The following LRRTM4 variants were observed in gnomAD, a reference collection of about 807,000 sequenced individuals.
LRRTM4 encodes leucine rich repeat transmembrane neuronal 4.
In LRRTM4, 25 loss-of-function variants were observed where a neutral mutation model predicts 47.6. The observed-to-expected ratio is 0.53, with a 90% CI of 0.38 to 0.73. The LOEUF is 0.73. Ranked by LOEUF, LRRTM4 falls within the 30% of genes least tolerant of loss-of-function variation. LRRTM4 has a pLI of 0.00. For synonymous variants in LRRTM4, 311 were observed against 269.5 expected, an observed-to-expected ratio of 1.15 and a Z score of -1.51; for missense variants, 638 against 713.4, an observed-to-expected ratio of 0.89 and a Z score of 1.20.
chr2:77,256,546 G>C (rs1310145484), intron 3 of LRRTM4, among the ~76,000 whole-genome samples: 1 of 152,060 alleles, frequency 6.6e-6, no homozygotes, highest in Non-Finnish European at 1.5e-5. Flanking sequence ...TAGTGAGTAA[G>C]TTTCATGAGA....
intron 3 of LRRTM4, among the ~76,000 whole-genome samples, chr2:76,799,973 A>C (rs1321120523): frequency 1.3e-5 from 2 of 151,822 alleles, no homozygotes; most frequent in Admixed American, 6.6e-5. Flanking sequence ...AAATGGAAGA[A>C]CATTCCATGC....
At chr2:76,933,153 T>TA (rs34790579) in intron 3 of LRRTM4, among the ~76,000 whole-genome samples, 2 of 152,116 alleles carry the variant, frequency 1.3e-5, no homozygotes, top group African/African-American at 2.4e-5. Context: ...TAGCACATTT[T>TA]AAAAAATATG....
intron 3 of LRRTM4, among the ~76,000 whole-genome samples, chr2:76,941,453 A>T (rs1043077223): frequency 2.0e-5 from 3 of 152,038 alleles, no homozygotes; most frequent in African/African-American, 4.8e-5. Flanking sequence ...TCCTAATCTT[A>T]TCCGTCCCCT....
intron 3 of LRRTM4, among the ~76,000 whole-genome samples, chr2:77,023,320 C>T (rs949628637): frequency 4.6e-5 from 7 of 152,136 alleles, no homozygotes; most frequent in Admixed American, 2.0e-4. Context: ...GAGAGGCTGC[C>T]GCAAAGGTCT....
chr2:77,296,280 T>C (rs1029243820), intron 3 of LRRTM4, among the ~76,000 whole-genome samples: 4 of 152,200 alleles, frequency 2.6e-5, no homozygotes, highest in South Asian at 2.1e-4. Context: ...AAATAGTATA[T>C]CATCATTTCA....
chr2:76,827,832 G>A (rs991603672), intron 3 of LRRTM4, among the ~76,000 whole-genome samples: 2 of 151,754 alleles, frequency 1.3e-5, no homozygotes, highest in Admixed American at 6.6e-5. Flanking sequence ...ATTTCTTCTA[G>A]GGAACTAGAT....
chr2:76,782,746 T>C (rs900602699), intron 3 of LRRTM4, among the ~76,000 whole-genome samples: 4 of 152,214 alleles, frequency 2.6e-5, no homozygotes, highest in Non-Finnish European at 4.4e-5. Context: ...AACATATTTA[T>C]TGAAGAAATC....
chr2:76,843,732 G>A (rs1050706952), intron 3 of LRRTM4, among the ~76,000 whole-genome samples: 1 of 152,120 alleles, frequency 6.6e-6, no homozygotes, highest in East Asian at 1.9e-4. Context: ...GATGGGCCAG[G>A]TCTGGCCAGG....
intron 3 of LRRTM4, among the ~76,000 whole-genome samples, chr2:76,977,853 G>A (rs1676471411): frequency 6.6e-6 from 1 of 151,978 alleles, no homozygotes; most frequent in Admixed American, 6.6e-5. Context: ...TACGGATTAG[G>A]GCATAAACTT....
chr2:77,303,176 C>G (rs989280076), intron 3 of LRRTM4, among the ~76,000 whole-genome samples: 1 of 151,950 alleles, frequency 6.6e-6, no homozygotes, highest in Admixed American at 6.6e-5. Context: ...CTGCTTAAAA[C>G]CCGGTGTCTC....
intron 3 of LRRTM4, among the ~76,000 whole-genome samples, chr2:77,385,041 A>G (rs1186584772): frequency 6.6e-6 from 1 of 152,152 alleles, no homozygotes; most frequent in Non-Finnish European, 1.5e-5. Flanking sequence ...AATGTGCAAA[A>G]AGAAAACATA....
intron 3 of LRRTM4, among the ~76,000 whole-genome samples, chr2:77,366,573 T>C (rs544149469): frequency 6.6e-5 from 10 of 151,964 alleles, no homozygotes; most frequent in Middle Eastern, 6.8e-3. Context: ...AACTTTCTTA[T>C]ATCTCACTTG....
chr2:77,191,399 A>G (rs920584737), intron 3 of LRRTM4, among the ~76,000 whole-genome samples: 2 of 152,054 alleles, frequency 1.3e-5, no homozygotes, highest in Non-Finnish European at 2.9e-5. Context: ...AAACTGTCTC[A>G]ATAAAAAATA....
At chr2:77,202,998 G>A (rs6547129) in intron 3 of LRRTM4, among the ~76,000 whole-genome samples, 104,568 of 151,794 alleles carry the variant, frequency 0.69, 36,715 homozygotes, top group African/African-American at 0.85. Flanking sequence ...GGCTGGTTTC[G>A]CACATTAAGA....
chr2:77,197,420 C>T (rs1390944614), intron 3 of LRRTM4, among the ~76,000 whole-genome samples: 2 of 151,974 alleles, frequency 1.3e-5, no homozygotes, highest in East Asian at 3.9e-4. Flanking sequence ...TCCCATATAT[C>T]TGTATTATTT....
rs554576216 is a variant in LRRTM4 at position 76,800,931 on chromosome 2, A to G, written c.1552-52015T>C. On this transcript the variant is annotated intron_variant, in intron 3 of 3. Transcript: ENST00000409884. ...CCATCAATGCTCATCATCACTGGCC[A>G]TCAGAGAAATGCAAATGAAAACCAC... Among the ~76,000 whole-genome samples the G allele has an allele frequency of 4.6e-5, 7 of 151,426 alleles. 1 individual carries two copies. In the East Asian group the frequency reaches 1.4e-3, roughly 30 times the overall value.
At chr2:76,822,431 A>G (rs952693012) in intron 3 of LRRTM4, among the ~76,000 whole-genome samples, 1 of 151,582 alleles carries the variant, frequency 6.6e-6, no homozygotes, top group Non-Finnish European at 1.5e-5. Context: ...AAAAAGAAAA[A>G]ATTTGTGTTT....
chr2:77,220,722 C>T (rs1310751478), intron 3 of LRRTM4, among the ~76,000 whole-genome samples: 1 of 152,214 alleles, frequency 6.6e-6, no homozygotes, highest in Non-Finnish European at 1.5e-5. Flanking sequence ...ACCAAAACTA[C>T]ATCTGATTGC....
At chr2:77,162,852 A>G (rs2103813084) in intron 3 of LRRTM4, among the ~76,000 whole-genome samples, 1 of 152,330 alleles carries the variant, frequency 6.6e-6, no homozygotes, top group East Asian at 1.9e-4. Flanking sequence ...AAGGTAGATT[A>G]AACCACAAAG....
Sources: allele counts gnomAD v4.1 joint callset (sites outside exome capture counted in the v4.1 genomes callset), GRCh38; gene constraint gnomAD v4.1.1; transcripts MANE v1.5; gene names NCBI Gene and HGNC (gene_info 2026-07-23, HGNC 2026-07-21).